Variants in TACC2 observed in about 807,000 individuals in gnomAD.
TACC2 encodes transforming acidic coiled-coil-containing protein 2.
Under a neutral mutation model 227.3 loss-of-function variants are expected in TACC2, and 137 were observed. The ratio of observed to expected loss-of-function variants is 0.60; its 90% confidence interval spans 0.52 to 0.69. The LOEUF (loss-of-function observed/expected upper bound fraction) is 0.69. Among genes scored for constraint, TACC2 ranks in the 30% least tolerant of loss-of-function variants. The probability of loss-of-function intolerance (pLI) is 0.00; values close to 1 mark genes in which losing one functional copy is unlikely to be tolerated. For synonymous variants in TACC2, 1,523 were observed against 1,487.5 expected (o/e 1.02, Z -0.55); for missense variants, 3,470 against 3,694.4 (o/e 0.94, Z 1.57).
Position 122,113,556 on chromosome 10 carries a change from G to A in TACC2, c.5574-19053G>A, listed in dbSNP as rs577889256. On this transcript the variant is annotated intron_variant, in intron 5 of 22. Coordinates refer to ENST00000369005, the MANE Select transcript of TACC2 (RefSeq NM_206862.4). The stretch of plus-strand genomic sequence containing the variant: ...GCTCGCGGTTGGGGTCCCCGCGCGT[G>A]GTTGTGGTTGGCGCCCGTGACCAGG... Among the ~76,000 whole-genome samples the A allele has an allele frequency of 5.1e-4, 78 of 152,254 alleles. 2 individuals are homozygous for A. The highest frequency in any genetic ancestry group is 1.8e-3 in the African/African-American group (73 of 41,566).
chr10:122,006,692 C>T (rs985675244), intron 1 of TACC2, among the ~76,000 whole-genome samples: 18 of 152,040 alleles, frequency 1.2e-4, no homozygotes, highest in Non-Finnish European at 2.1e-4. Flanking sequence ...TTTCTTGAAT[C>T]AAACATTTTA....
At chr10:122,047,106 T>C (rs2075090955) in intron 2 of TACC2, among the ~76,000 whole-genome samples, 1 of 151,292 alleles carries the variant, frequency 6.6e-6, no homozygotes, top group Non-Finnish European at 1.5e-5. Flanking sequence ...CTGGCCAATA[T>C]GGTGAAACCC....
At chr10:121,990,287 T>G (rs1386054029) in intron 1 of TACC2, among the ~76,000 whole-genome samples, 4 of 151,842 alleles carry the variant, frequency 2.6e-5, no homozygotes, top group African/African-American at 9.7e-5. Flanking sequence ...AGCTAATATT[T>G]TTTATTTTTT....
At chr10:122,165,010 G>A (rs996026339) in intron 7 of TACC2, among the ~76,000 whole-genome samples, 3 of 152,144 alleles carry the variant, frequency 2.0e-5, no homozygotes, top group Non-Finnish European at 2.9e-5. Context: ...GCTCGGCGTA[G>A]TGATGTAATG....
Position 122,085,424 on chromosome 10 carries a change from C to G in TACC2, c.2924C>G (p.Ala975Gly). Residue 975 changes from alanine to glycine, a missense_variant, in exon 4 of 23, where the codon GCA becomes GGA. By Grantham distance (60) the Ala-to-Gly change is moderately conservative. Transcript: ENST00000369005. ...GATGTCTTAAAAGACTTTTCTCTTGCAGGGAACTTCAGCAGAAAGGAAACT... is the reference window on the plus strand; with the variant it reads ...GATGTCTTAAAAGACTTTTCTCTTGGAGGGAACTTCAGCAGAAAGGAAACT... ...AADVLKDFSL[A>G]GNFSRKETCC... The G allele has an allele frequency of 1.2e-6, 2 of 1,613,868 alleles. No individual in the cohort carries two copies.
intron 2 of TACC2, among the ~76,000 whole-genome samples, chr10:122,034,446 T>A (rs900332243): frequency 6.6e-6 from 1 of 152,060 alleles, no homozygotes; most frequent in Non-Finnish European, 1.5e-5. Flanking sequence ...ACTAGAACCC[T>A]GGGTCACTAA....
rs753159948 is a variant in TACC2, at chr10:122,211,095, C to A, written c.6670C>A (p.Gln2224Lys). 1 of 1,612,500 alleles carries A rather than the reference C, an allele frequency of 6.2e-7. No individual in the cohort carries two copies. Among genetic ancestry groups the A allele is most frequent in the Non-Finnish European group, 8.5e-7 (1 of 1,179,338 alleles). The change falls in exon 9 of 23, where the codon CAG becomes AAG. Residue 2224 changes from glutamine to lysine, a missense_variant. Coordinates refer to ENST00000369005, the MANE Select transcript of TACC2 (RefSeq NM_206862.4). ...VPPASGGGRV[Q>K]NSPPVGRKTL... is the part of the protein sequence containing the mutation. ...CCCGGCTTCTGGAGGTGGCAGAGTGCAGAACTCACCCCCTGTCGGGAGGAA... is the reference window on the plus strand; with the variant it reads ...CCCGGCTTCTGGAGGTGGCAGAGTGAAGAACTCACCCCCTGTCGGGAGGAA...
chr10:122,245,919 A>G (rs559757738), intron 19 of TACC2, among the ~76,000 whole-genome samples: 1 of 152,276 alleles, frequency 6.6e-6, no homozygotes, highest in African/African-American at 2.4e-5. Context: ...TCAGAGTGAG[A>G]GCTCGAACTC....
At chr10:122,117,583 C>G (rs1435648005) in intron 5 of TACC2, among the ~76,000 whole-genome samples, 1 of 152,138 alleles carries the variant, frequency 6.6e-6, no homozygotes, top group African/African-American at 2.4e-5. Context: ...GGTCTGCTGA[C>G]CTGGGGAGAA....
chr10:122,169,281 C>T (rs370345407), intron 7 of TACC2, among the ~76,000 whole-genome samples: 1 of 152,190 alleles, frequency 6.6e-6, no homozygotes, highest in East Asian at 1.9e-4. Flanking sequence ...AGCAGAAACT[C>T]TTGTGTACCA....
chr10:122,142,974 G>A (rs984237033), intron 6 of TACC2, among the ~76,000 whole-genome samples: 4 of 152,180 alleles, frequency 2.6e-5, no homozygotes, highest in African/African-American at 4.8e-5. Context: ...GGCCCCGCAC[G>A]CTGTGGTTCC....
intron 2 of TACC2, among the ~76,000 whole-genome samples, chr10:122,036,248 A>G (rs1050575044): frequency 2.7e-5 from 4 of 148,648 alleles, no homozygotes; most frequent in Non-Finnish European, 5.9e-5. Context: ...GATGGAGTGC[A>G]GTGGCGCAAT....
chr10:122,040,170 T>G (rs1197536753), intron 2 of TACC2, among the ~76,000 whole-genome samples: 1 of 152,024 alleles, frequency 6.6e-6, no homozygotes, highest in African/African-American at 2.4e-5. Flanking sequence ...TGAAGAGAAA[T>G]GTATAACCAC....
chr10:122,237,929 G>A (rs1182181435), intron 17 of TACC2, 32 bp from the exon 18 acceptor site: 2 of 1,553,422 alleles, frequency 1.3e-6, no homozygotes, highest in South Asian at 1.1e-5. Context: ...CTCATTTGGG[G>A]CTAACCTTTC....
At chr10:122,217,526 C>T (rs563308873) in intron 11 of TACC2, among the ~76,000 whole-genome samples, 5 of 149,152 alleles carry the variant, frequency 3.4e-5, no homozygotes, top group South Asian at 4.3e-4. Context: ...GCAACCTCTG[C>T]CTCCTGGGTT....
At chr10:122,122,051 C>T (rs905228667) in intron 5 of TACC2, among the ~76,000 whole-genome samples, 2 of 152,152 alleles carry the variant, frequency 1.3e-5, no homozygotes, top group Non-Finnish European at 2.9e-5. Flanking sequence ...GATCTCCTCT[C>T]CTCTTCTATA....
At chr10:122,151,620 GGA>G (rs1372968704) in intron 7 of TACC2, among the ~76,000 whole-genome samples, 1 of 152,072 alleles carries the variant, frequency 6.6e-6, no homozygotes, top group Non-Finnish European at 1.5e-5. Flanking sequence ...TTCAAGCAGG[GGA>G]GAGTCAGGAT....
intron 2 of TACC2, among the ~76,000 whole-genome samples, chr10:122,028,765 T>C (rs1958440115): frequency 3.0e-5 from 2 of 67,400 alleles, no homozygotes; most frequent in Admixed American, 2.9e-4. Context: ...CCCCTTCTGT[T>C]CCCTTCCCTT....
intron 11 of TACC2, among the ~76,000 whole-genome samples, chr10:122,223,390 C>T (rs534053550): frequency 6.6e-6 from 1 of 152,286 alleles, no homozygotes; most frequent in African/African-American, 2.4e-5. Context: ...ATTAATGCTT[C>T]TGTCTTAAGT....
Sources: allele counts gnomAD v4.1 joint callset (sites outside exome capture counted in the v4.1 genomes callset), GRCh38; gene constraint gnomAD v4.1.1; transcripts MANE v1.5; gene names NCBI Gene and HGNC (gene_info 2026-07-23, HGNC 2026-07-21).